The following DNER variants were observed in gnomAD, a reference collection of about 807,000 sequenced individuals.
The protein encoded by DNER is delta/notch like EGF repeat containing.
Under a neutral mutation model 78.2 loss-of-function variants are expected in DNER, and 33 were observed. That is an observed-to-expected ratio of 0.42 (90% confidence interval 0.32 to 0.56). The LOEUF (loss-of-function observed/expected upper bound fraction) is 0.56. Ranked by LOEUF, DNER falls within the 20% of genes least tolerant of loss-of-function variation. DNER has a pLI of 0.11. For missense variants in DNER, 918 were observed against 975.3 expected (o/e 0.94, Z 0.78); for synonymous variants, 417 against 384.8 (o/e 1.08, Z -0.98).
intron 6 of DNER, among the ~76,000 whole-genome samples, chr2:229,481,887 C>A (rs950630627): frequency 6.6e-6 from 1 of 152,160 alleles, no homozygotes; most frequent in Non-Finnish European, 1.5e-5. Flanking sequence ...GAAGAATTTG[C>A]TCTAGCATGC....
At chr2:229,695,117 G>A (rs565410125) in intron 1 of DNER, among the ~76,000 whole-genome samples, 12 of 152,264 alleles carry the variant, frequency 7.9e-5, no homozygotes, top group African/African-American at 2.6e-4. Flanking sequence ...TGTGAATGAG[G>A]ACATGTTTGC....
intron 8 of DNER, among the ~76,000 whole-genome samples, chr2:229,439,449 G>A (rs997894943): frequency 6.6e-5 from 10 of 152,200 alleles, no homozygotes; most frequent in African/African-American, 2.2e-4. Flanking sequence ...TTAAAGGTGA[G>A]AAAAGTAATG....
intron 1 of DNER, among the ~76,000 whole-genome samples, chr2:229,592,209 CA>C (rs1697622942): frequency 6.6e-6 from 1 of 152,144 alleles, no homozygotes; most frequent in Non-Finnish European, 1.5e-5. Context: ...AGTTAAAACT[CA>C]TTAGGAAGAT....
chr2:229,512,954 C>T lies in DNER; in HGVS notation c.994-18G>A. 1 of 1,611,678 alleles carries T rather than the reference C, an allele frequency of 6.2e-7. No individual in the cohort carries two copies. The highest frequency in any genetic ancestry group is 1.7e-5 in the Admixed American group (1 of 59,856). On this transcript the variant is annotated intron_variant, in intron 5 of 12. Transcript: ENST00000341772. ...AAAGTTGCCTAAAACACAAAAAAAGCACAGTGTCTATTACCTGGCACCTCT... is the reference window on the plus strand; with the variant it reads ...AAAGTTGCCTAAAACACAAAAAAAGTACAGTGTCTATTACCTGGCACCTCT...
chr2:229,504,472 G>A (rs370240217), intron 6 of DNER, among the ~76,000 whole-genome samples: 9 of 151,996 alleles, frequency 5.9e-5, no homozygotes, highest in Admixed American at 2.0e-4. Context: ...TGCCTGCCTC[G>A]GCCTCCCAAA....
chr2:229,544,500 TTTA>T (rs1205819841), intron 5 of DNER, among the ~76,000 whole-genome samples: 1 of 151,224 alleles, frequency 6.6e-6, no homozygotes, highest in African/African-American at 2.4e-5. Flanking sequence ...TATATATCTA[TTTA>T]TTAATTTTTA....
At chr2:229,579,740 G>C (rs114551736) in intron 4 of DNER, among the ~76,000 whole-genome samples, 1,876 of 151,828 alleles carry the variant, frequency 0.012, 34 homozygotes, top group Middle Eastern at 0.051. Context: ...TTTTGCCTAA[G>C]AGTAATGGTA....
chr2:229,659,583 T>G (rs1053967789), intron 1 of DNER, among the ~76,000 whole-genome samples: 1 of 152,112 alleles, frequency 6.6e-6, no homozygotes, highest in African/African-American at 2.4e-5. Context: ...TCCATGAGCC[T>G]TTCTTAAACT....
At chr2:229,712,968 TA>T (rs1002291467) in intron 1 of DNER, among the ~76,000 whole-genome samples, 11 of 152,186 alleles carry the variant, frequency 7.2e-5, no homozygotes, top group Non-Finnish European at 1.2e-4. Flanking sequence ...CATTTACCTC[TA>T]AAAAATGTAA....
chr2:229,663,120 T>C (rs912279687), intron 1 of DNER, among the ~76,000 whole-genome samples: 1 of 152,204 alleles, frequency 6.6e-6, no homozygotes. Flanking sequence ...CTCTTTTCCC[T>C]ATCCAGAGTG....
chr2:229,482,784 T>G (rs1695193381), intron 6 of DNER, among the ~76,000 whole-genome samples: 2 of 152,166 alleles, frequency 1.3e-5, no homozygotes, highest in South Asian at 4.1e-4. Flanking sequence ...TATAGTGGAA[T>G]TTCATTTGTA....
chr2:229,562,010 T>G (rs959498254), intron 4 of DNER, among the ~76,000 whole-genome samples: 1 of 152,176 alleles, frequency 6.6e-6, no homozygotes, highest in Non-Finnish European at 1.5e-5. Flanking sequence ...CATCCAGAGA[T>G]GGAACCTGTG....
At chr2:229,497,129 G>T (rs946198140) in intron 6 of DNER, among the ~76,000 whole-genome samples, 1 of 152,130 alleles carries the variant, frequency 6.6e-6, no homozygotes, top group African/African-American at 2.4e-5. Flanking sequence ...TATGAAAGTA[G>T]AAACTGATAA....
intron 1 of DNER, among the ~76,000 whole-genome samples, chr2:229,600,280 T>A (rs1201933637): frequency 6.6e-6 from 1 of 152,250 alleles, no homozygotes; most frequent in African/African-American, 2.4e-5. Context: ...ACACCAGCAG[T>A]TGAGTACTGA....
intron 1 of DNER, among the ~76,000 whole-genome samples, chr2:229,676,783 C>T (rs1209173225): frequency 6.6e-6 from 1 of 152,130 alleles, no homozygotes; most frequent in Non-Finnish European, 1.5e-5. Flanking sequence ...TAAGGGTGGA[C>T]TTGAAATTCT....
At chr2:229,487,964 C>T (rs543950506) in intron 6 of DNER, among the ~76,000 whole-genome samples, 296 of 152,344 alleles carry the variant, frequency 1.9e-3, no homozygotes, top group Middle Eastern at 6.8e-3. Flanking sequence ...GGGTCACTGA[C>T]ATGGCATCTT....
chr2:229,506,069 C>T (rs1695737892), intron 6 of DNER, among the ~76,000 whole-genome samples: 1 of 152,126 alleles, frequency 6.6e-6, no homozygotes, highest in Non-Finnish European at 1.5e-5. Context: ...ATGAATTTAC[C>T]AGCAACCACC....
At chr2:229,709,692 C>T (rs1699882578) in intron 1 of DNER, among the ~76,000 whole-genome samples, 1 of 152,134 alleles carries the variant, frequency 6.6e-6, no homozygotes, top group South Asian at 2.1e-4. Context: ...CACATGTCCC[C>T]TTTTTACTCC....
intron 6 of DNER, among the ~76,000 whole-genome samples, chr2:229,497,076 A>G (rs1447682531): frequency 6.6e-6 from 1 of 152,232 alleles, no homozygotes; most frequent in African/African-American, 2.4e-5. Context: ...ACCAAATTTA[A>G]GAAGATTGAA....
Sources: allele counts gnomAD v4.1 joint callset (sites outside exome capture counted in the v4.1 genomes callset), GRCh38; gene constraint gnomAD v4.1.1; transcripts MANE v1.5; gene names NCBI Gene and HGNC (gene_info 2026-07-23, HGNC 2026-07-21).